The following SEM1 variants were observed in gnomAD, a reference collection of about 807,000 sequenced individuals.
The protein encoded by SEM1 is SEM1 26S proteasome subunit.
In SEM1, 3 loss-of-function variants were observed where a neutral mutation model predicts 12.7. The observed-to-expected ratio is 0.24, with a 90% CI of 0.11 to 0.61. SEM1 has a LOEUF of 0.61. Among genes scored for constraint, SEM1 ranks in the 20% least tolerant of loss-of-function variants. SEM1 has a pLI of 0.88. For synonymous variants in SEM1, 30 were observed against 27.8 expected (o/e 1.08, Z -0.25); for missense variants, 59 against 81.3 (o/e 0.73, Z 1.06).
At chr7:96,550,321 T>A (rs1025409380) in intron 2 of SEM1, among the ~76,000 whole-genome samples, 13 of 152,150 alleles carry the variant, frequency 8.5e-5, no homozygotes, top group Non-Finnish European at 1.6e-4. Flanking sequence ...CATACCTGAG[T>A]GACTTTAGAA....
chr7:96,578,665 G>A (rs1181188222), intron 2 of SEM1, among the ~76,000 whole-genome samples: 1 of 152,196 alleles, frequency 6.6e-6, no homozygotes, highest in Non-Finnish European at 1.5e-5. Flanking sequence ...GGGAAAATCT[G>A]TATTAACAGC....
At chr7:96,514,210 G>T (rs73390919) in intron 2 of SEM1, among the ~76,000 whole-genome samples, 3 of 151,896 alleles carry the variant, frequency 2.0e-5, no homozygotes, top group Non-Finnish European at 4.4e-5. Context: ...AAAAATTGTC[G>T]AATTGTTCTT....
At chr7:96,709,662 C>A in intron 1 of SEM1, 26 bp downstream of exon 1, 1 of 1,611,270 alleles carries the variant, frequency 6.2e-7, no homozygotes, top group Middle Eastern at 1.7e-4. Context: ...GTTCGCGCGA[C>A]ACAGAAACCG....
At chr7:96,600,805 C>T (rs1310786437) in intron 2 of SEM1, among the ~76,000 whole-genome samples, 1 of 152,216 alleles carries the variant, frequency 6.6e-6, no homozygotes, top group African/African-American at 2.4e-5. Context: ...GGATGTCTCC[C>T]TCAGCCCTGT....
intron 2 of SEM1, among the ~76,000 whole-genome samples, chr7:96,646,384 T>C (rs1233863705): frequency 6.6e-6 from 1 of 152,216 alleles, no homozygotes; most frequent in East Asian, 1.9e-4. Context: ...TTCCTAAAAG[T>C]CCAGCTCAAA....
chr7:96,566,276 T>G (rs536633108), intron 2 of SEM1, among the ~76,000 whole-genome samples: 335 of 151,800 alleles, frequency 2.2e-3, no homozygotes, highest in Admixed American at 5.6e-3. Context: ...CCTGGAGAGA[T>G]AATGTGCAAA....
intron 3 of SEM1, among the ~76,000 whole-genome samples, chr7:96,501,658 A>G (rs916221550): frequency 6.6e-6 from 1 of 152,200 alleles, no homozygotes; most frequent in Non-Finnish European, 1.5e-5. Flanking sequence ...ATAATAGCTC[A>G]GTAAACATGT....
At chr7:96,677,750 A>C (rs1789490148) in intron 2 of SEM1, among the ~76,000 whole-genome samples, 1 of 152,084 alleles carries the variant, frequency 6.6e-6, no homozygotes. Context: ...AAGACGGCAG[A>C]AAAATGAAAG....
At chr7:96,623,572 CTTGT>C (rs1231029889) in intron 2 of SEM1, among the ~76,000 whole-genome samples, 1 of 145,690 alleles carries the variant, frequency 6.9e-6, no homozygotes, top group South Asian at 2.1e-4. Flanking sequence ...AAAATATGTA[CTTGT>C]TTATTATATA....
intron 2 of SEM1, among the ~76,000 whole-genome samples, chr7:96,662,517 CAG>C (rs973095840): frequency 6.6e-6 from 1 of 151,986 alleles, no homozygotes; most frequent in African/African-American, 2.4e-5. Flanking sequence ...TGGGGCCTGT[CAG>C]GGGGTGGGAG....
intron 2 of SEM1, among the ~76,000 whole-genome samples, chr7:96,514,367 C>T (rs533779675): frequency 6.6e-6 from 1 of 152,034 alleles, no homozygotes; most frequent in South Asian, 2.1e-4. Context: ...CACATGCTAC[C>T]ATACCCAGCT....
At chr7:96,570,856 G>T (rs1214235987) in intron 2 of SEM1, among the ~76,000 whole-genome samples, 1 of 151,980 alleles carries the variant, frequency 6.6e-6, no homozygotes, top group African/African-American at 2.4e-5. Context: ...CATCCTCTCC[G>T]GCATCTGTTG....
At chr7:96,486,272 A>C (rs1431548804) in exon 2 of SEM1, 1 of 1,537,032 alleles carries the variant, frequency 6.5e-7, no homozygotes, top group Admixed American at 2.0e-5. Context: ...TTGCTTTGCA[A>C]AGGCCGGATG....
At chr7:96,701,146 A>G (rs1461770421) in intron 1 of SEM1, among the ~76,000 whole-genome samples, 1 of 152,162 alleles carries the variant, frequency 6.6e-6, no homozygotes, top group East Asian at 1.9e-4. Flanking sequence ...GAGGGGAGAG[A>G]AAAAAGGAGA....
At chr7:96,630,876 C>T (rs73228324) in intron 2 of SEM1, among the ~76,000 whole-genome samples, 7,813 of 151,956 alleles carry the variant, frequency 0.051, 279 homozygotes, top group Non-Finnish European at 0.077. Flanking sequence ...GTAGGTCCTT[C>T]CTTTCGAGGC....
At chr7:96,588,452 T>G (rs1806726414) in intron 2 of SEM1, among the ~76,000 whole-genome samples, 2 of 151,632 alleles carry the variant, frequency 1.3e-5, no homozygotes, top group East Asian at 1.9e-4. Context: ...ACTTCAAAAT[T>G]ATAGTGACAA....
At chr7:96,604,408 G>A (rs1807285108) in intron 2 of SEM1, among the ~76,000 whole-genome samples, 1 of 152,210 alleles carries the variant, frequency 6.6e-6, no homozygotes, top group African/African-American at 2.4e-5. Flanking sequence ...AACCTCTGAT[G>A]TCCCTAGTGT....
chr7:96,566,328 T>C (rs1045254292), intron 2 of SEM1, among the ~76,000 whole-genome samples: 2 of 151,606 alleles, frequency 1.3e-5, no homozygotes, highest in African/African-American at 4.8e-5. Flanking sequence ...ATCTGATAGG[T>C]TTAAATTACA....
intron 2 of SEM1, among the ~76,000 whole-genome samples, chr7:96,513,653 AC>A (rs1020918178): frequency 4.2e-4 from 64 of 151,950 alleles, no homozygotes; most frequent in African/African-American, 1.4e-3. Context: ...ACATGGTGAA[AC>A]CCCATCTCTA....
Sources: gnomAD v4.1 joint callset for allele counts (sites outside exome capture counted in the v4.1 genomes callset) on GRCh38, gnomAD v4.1.1 for gene constraint, MANE v1.5 for transcripts, NCBI Gene and HGNC (gene_info 2026-07-23, HGNC 2026-07-21) for gene names.